Variants in CYRIB observed in about 807,000 individuals in gnomAD.
CYRIB encodes the protein CYFIP related Rac1 interactor B.
Under a neutral mutation model 44.2 loss-of-function variants are expected in CYRIB, and 8 were observed. That is an observed-to-expected ratio of 0.18 (90% CI 0.11 to 0.33). The LOEUF (loss-of-function observed/expected upper bound fraction) is 0.33, where lower values mean the gene tolerates loss of function less well. Ranked by LOEUF, CYRIB falls within the 10% of genes least tolerant of loss-of-function variation. The pLI is 1.00. For synonymous variants in CYRIB, 131 were observed against 127.2 expected (o/e 1.03, Z -0.20); for missense variants, 185 against 382.8 (o/e 0.48, Z 4.31).
intron 1 of CYRIB, among the ~76,000 whole-genome samples, chr8:130,013,069 C>G (rs2097262508): frequency 6.6e-6 from 1 of 152,188 alleles, no homozygotes; most frequent in Non-Finnish European, 1.5e-5. Flanking sequence ...CAAGCTAAAA[C>G]AGAGAGATGA....
At chr8:129,973,616 C>A (rs1451714878) in intron 1 of CYRIB, among the ~76,000 whole-genome samples, 1 of 152,220 alleles carries the variant, frequency 6.6e-6, no homozygotes, top group Non-Finnish European at 1.5e-5. Context: ...CTTCCTCTTT[C>A]GTCTCCTCTC....
Position 129,879,484 on chromosome 8 carries a change from G to A in CYRIB, c.-10-13C>T. 6.4e-7 allele frequency: 1 copy of A among 1,566,326 alleles called. No homozygotes were observed. Reference sequence around the variant, plus strand: ...CATGTTAAGGTACCTGTCAAGACAAGAATGAGAAAAGAGAAAATATCCCTT... The same window carrying A: ...CATGTTAAGGTACCTGTCAAGACAAAAATGAGAAAAGAGAAAATATCCCTT... On this transcript the variant is annotated splice_polypyrimidine_tract_variant and intron_variant, in intron 2 of 11. Transcript: ENST00000519824.
intron 1 of CYRIB, among the ~76,000 whole-genome samples, chr8:129,991,964 A>C (rs2395971): frequency 7.2e-6 from 1 of 138,194 alleles, no homozygotes; most frequent in Non-Finnish European, 1.6e-5. Flanking sequence ...AAAAAAAAAA[A>C]AAAAAAAACA....
chr8:129,848,951 G>A (rs2131368243), intron 10 of CYRIB, among the ~76,000 whole-genome samples: 1 of 152,282 alleles, frequency 6.6e-6, no homozygotes, highest in East Asian at 1.9e-4. Flanking sequence ...TAAAGGATAT[G>A]ACTCAAAATT....
chr8:129,968,091 A>G lies in CYRIB; in HGVS notation c.-243+2852T>C, dbSNP rs10092395. Among the ~76,000 whole-genome samples the G allele has an allele frequency of 6.1e-3, 922 of 152,330 alleles. 10 individuals are homozygous for G. The highest frequency in any genetic ancestry group is 0.021 in the African/African-American group (889 of 41,572). ...GAGCTAGTGGCTTAAACTGCTATTT[A>G]GTTTATTTGTCTATAAAATTCAGAT... On this transcript the variant is annotated intron_variant, in intron 2 of 14. Transcript: ENST00000401979.
intron 2 of CYRIB, among the ~76,000 whole-genome samples, chr8:129,889,231 A>G (rs1245115695): frequency 6.6e-6 from 1 of 152,218 alleles, no homozygotes; most frequent in Non-Finnish European, 1.5e-5. Context: ...TAAGCCCACC[A>G]TTGAGCCCTA....
At chr8:129,852,256 T>C (rs768033659) in exon 8 of CYRIB, 4 of 1,570,684 alleles carry the variant, frequency 2.5e-6, no homozygotes, top group South Asian at 1.2e-5. Context: ...CAATTCATTA[T>C]TTACTTCATT....
chr8:129,889,652 T>A (rs2134651798), intron 2 of CYRIB, among the ~76,000 whole-genome samples: 1 of 152,230 alleles, frequency 6.6e-6, no homozygotes, highest in Middle Eastern at 3.4e-3. Context: ...AAATGGCAGA[T>A]GTGGTGGAAA....
chr8:129,914,628 C>G (rs1380525672), intron 1 of CYRIB, among the ~76,000 whole-genome samples: 4 of 152,160 alleles, frequency 2.6e-5, no homozygotes, highest in Non-Finnish European at 4.4e-5. Flanking sequence ...AAATAAAACA[C>G]TTTAGTTTTC....
intron 4 of CYRIB, among the ~76,000 whole-genome samples, chr8:129,864,235 T>C (rs778657844): frequency 2.5e-4 from 38 of 152,358 alleles, no homozygotes; most frequent in Non-Finnish European, 4.0e-4. Context: ...TCTAGAAATA[T>C]TGTAACATTG....
In CYRIB at chr8:129,907,366, T is replaced by C. The variant is rs376419166; in HGVS notation, c.-49-4016A>G. ...GCAGAACAAAAAACCAAACACTGCA[T>C]GTTCTCACTCATAGGTGGGAACTGA... On this transcript the variant is annotated intron_variant, in intron 1 of 11. Coordinates refer to ENST00000519824, the Ensembl canonical transcript of CYRIB. 7.9e-5 allele frequency among the ~76,000 whole-genome samples: 12 copies of C among 152,028 alleles called. No homozygotes were observed. The East Asian group carries it at 1.7e-3, about 22-fold the overall frequency.
intron 1 of CYRIB, among the ~76,000 whole-genome samples, chr8:129,988,735 C>G (rs537599504): frequency 1.9e-4 from 29 of 152,236 alleles, no homozygotes; most frequent in South Asian, 4.2e-4. Flanking sequence ...CAGAAAGAGG[C>G]TGAGTTCAAT....
At chr8:129,936,130 T>C (rs898107528) in intron 1 of CYRIB, among the ~76,000 whole-genome samples, 3 of 152,236 alleles carry the variant, frequency 2.0e-5, no homozygotes, top group Non-Finnish European at 2.9e-5. Flanking sequence ...CTGTTTTAAG[T>C]ATGTTTTACA....
intron 11 of CYRIB, among the ~76,000 whole-genome samples, chr8:129,845,944 G>A (rs2131135041): frequency 6.6e-6 from 1 of 152,270 alleles, no homozygotes; most frequent in Non-Finnish European, 1.5e-5. Context: ...AGGAGTTTGA[G>A]ACCAGCCTGG....
chr8:129,842,242 C>A (rs1276473927), intron 11 of CYRIB, 37 bp from the exon 14 acceptor site: 6 of 1,461,576 alleles, frequency 4.1e-6, no homozygotes, highest in Non-Finnish European at 5.7e-6. Flanking sequence ...ATTTTAGGAA[C>A]TTAAAAAATA....
At chr8:129,955,520 T>A (rs1311896846) in intron 2 of CYRIB, among the ~76,000 whole-genome samples, 1 of 152,106 alleles carries the variant, frequency 6.6e-6, no homozygotes, top group Non-Finnish European at 1.5e-5. Flanking sequence ...ACGTCGGAAA[T>A]CTATAGAGAT....
chr8:130,003,173 G>A (rs1487851656), intron 1 of CYRIB, among the ~76,000 whole-genome samples: 2 of 152,278 alleles, frequency 1.3e-5, no homozygotes, highest in Middle Eastern at 3.4e-3. Context: ...CATCATGATC[G>A]TGCCACTACA....
intron 1 of CYRIB, among the ~76,000 whole-genome samples, chr8:129,938,562 T>A (rs189161313): frequency 5.3e-5 from 8 of 152,304 alleles, no homozygotes; most frequent in African/African-American, 1.9e-4. Context: ...AGAATGGCAC[T>A]TTGTGGTACT....
At chr8:129,955,868 C>A (rs766665420) in intron 2 of CYRIB, among the ~76,000 whole-genome samples, 4 of 152,200 alleles carry the variant, frequency 2.6e-5, no homozygotes, top group Non-Finnish European at 5.9e-5. Context: ...AAATGTGCTT[C>A]TAAGCACCAA....
Sources: allele counts gnomAD v4.1 joint callset (sites outside exome capture counted in the v4.1 genomes callset), GRCh38; gene constraint gnomAD v4.1.1; transcripts MANE v1.5; gene names NCBI Gene and HGNC (gene_info 2026-07-23, HGNC 2026-07-21).